NOL8: variants seen among roughly 807,000 people sequenced by gnomAD.
NOL8 encodes nucleolar protein Nop132.
A neutral mutation model predicts 116.1 loss-of-function variants in NOL8; 93 were observed. That is an observed-to-expected ratio of 0.80 (90% CI 0.68 to 0.95). The LOEUF (loss-of-function observed/expected upper bound fraction) is 0.95, where lower values mean the gene tolerates loss of function less well. NOL8 is among the 40% of genes least tolerant of loss of function. The probability of loss-of-function intolerance (pLI) is 0.00; values close to 1 mark genes in which losing one functional copy is unlikely to be tolerated. For missense variants in NOL8, 1,291 were observed against 1,382.8 expected (o/e 0.93, Z 1.05); for synonymous variants, 419 against 469.0 (o/e 0.89, Z 1.38).
chr9:92,324,272 T>C (rs1453571123), intron 1 of NOL8, 63 bp from the exon 2 acceptor site: 19 of 1,179,430 alleles, frequency 1.6e-5, no homozygotes, highest in Non-Finnish European at 2.1e-5. Context: ...AACTACTTCC[T>C]CTGAACCTTC....
chr9:92,313,189 CT>C (rs1002663317), intron 7 of NOL8, among the ~76,000 whole-genome samples: 6 of 152,080 alleles, frequency 3.9e-5, no homozygotes, highest in Non-Finnish European at 7.4e-5. Flanking sequence ...ATCAATTAAA[CT>C]TTTTGGTATC....
At position 92,302,087 on chromosome 9, in the gene NOL8, T is replaced by C. The variant is rs953442774; in HGVS notation, c.2904-265A>G. ...AATCATATTCTATCATTCTCTGAAC[T>C]ACATTTCAGAAATTATGCCTAAACT... is the stretch of plus-strand genomic sequence containing the variant. On this transcript the variant is annotated intron_variant, in intron 12 of 16. Transcript: ENST00000442668. 4.6e-5 allele frequency among the ~76,000 whole-genome samples: 7 copies of C among 152,172 alleles called. No individual in the cohort carries two copies. The East Asian group carries it at 1.3e-3, about 29-fold the overall frequency.
At chr9:92,301,278 G>A (rs1473019617) in intron 13 of NOL8, among the ~76,000 whole-genome samples, 2 of 152,106 alleles carry the variant, frequency 1.3e-5, no homozygotes, top group African/African-American at 2.4e-5. Context: ...TCTTCATGAC[G>A]TTTTACTTAA....
chr9:92,297,963 T>G (rs1837381526), intron 16 of NOL8, 77 bp from the exon 17 acceptor site: 1 of 1,231,796 alleles, frequency 8.1e-7, no homozygotes, highest in African/African-American at 1.5e-5. Context: ...TAAAACAGGT[T>G]ATTCTCACTG....
chr9:92,307,210 C>A (rs377528540), intron 10 of NOL8, among the ~76,000 whole-genome samples, 186 bp from the exon 11 acceptor site: 1 of 152,164 alleles, frequency 6.6e-6, no homozygotes, highest in Non-Finnish European at 1.5e-5. Context: ...AGAAAGTCTG[C>A]GTGACCAGAC....
At chr9:92,308,726 A>G (rs1838501650) in intron 10 of NOL8, among the ~76,000 whole-genome samples, 1 of 152,198 alleles carries the variant, frequency 6.6e-6, no homozygotes, top group Admixed American at 6.5e-5. Flanking sequence ...CAAAGTGAAC[A>G]TTTCAAGAAG....
At chr9:92,302,571 T>C (rs2134089245) in intron 12 of NOL8, among the ~76,000 whole-genome samples, 1 of 152,336 alleles carries the variant, frequency 6.6e-6, no homozygotes. Flanking sequence ...CGTTAGGTTT[T>C]AAGACAGATA....
intron 4 of NOL8, 84 bp downstream of exon 4, chr9:92,321,584 A>T: frequency 1.3e-6 from 1 of 763,442 alleles, no homozygotes; most frequent in Admixed American, 3.3e-5. Flanking sequence ...ATAATACTAT[A>T]TTACTTGATA....
chr9:92,300,369 G>C (rs67546506), intron 13 of NOL8: 1 of 991,338 alleles, frequency 1.0e-6, no homozygotes, highest in Non-Finnish European at 1.2e-6. Flanking sequence ...AAATATAATA[G>C]GATACAGGGA....
In NOL8 at chr9:92,310,033, G is replaced by A. The variant is rs186464759; in HGVS notation, c.2686+138C>T. ...TGTACAAACAAACTTAGTATTAACT[G>A]TACATTTGATTATAAACTCCTCAAT... On this transcript the variant is annotated intron_variant, in intron 10 of 16. Coordinates refer to ENST00000442668, the MANE Select transcript of NOL8 (RefSeq NM_017948.6). 1.8e-5 allele frequency: 11 copies of A among 628,386 alleles called. No individual in the cohort carries two copies. The East Asian group carries it at 2.5e-4, about 14-fold the overall frequency. The allele number at this position is 628,386 out of a possible 1,614,324, so 38.9% of individuals were successfully genotyped here. A position where few individuals can be genotyped will look rare whatever the true frequency, so the allele number is the denominator to read the frequency against.
In NOL8 at chr9:92,306,899, C is replaced by G; in HGVS notation, c.2812G>C (p.Ala938Pro). The change falls in exon 11 of 17, where the codon GCT becomes CCT. Residue 938 changes from alanine to proline, a missense_variant. Ala to Pro is a conservative substitution (Grantham distance 27, BLOSUM62 -1). Coordinates refer to ENST00000442668, the MANE Select transcript of NOL8 (RefSeq NM_017948.6). Reference sequence around the variant, plus strand: ...CATAAAACATACTTAAATTTCTTAGCAGCTACTGATCCTCTGTTTGTAGAA... The same window carrying G: ...CATAAAACATACTTAAATTTCTTAGGAGCTACTGATCCTCTGTTTGTAGAA... ...SNSTNRGSVA[A>P]KKFKDIIHYD... 6.2e-7 allele frequency: 1 copy of G among 1,612,290 alleles called. No homozygotes were observed. Among genetic ancestry groups the G allele is most frequent in the Non-Finnish European group, 8.5e-7 (1 of 1,179,056 alleles).
intron 13 of NOL8, 111 bp downstream of exon 13, chr9:92,301,440 A>G: frequency 1.2e-6 from 1 of 806,550 alleles, no homozygotes; most frequent in Non-Finnish European, 1.8e-6. Flanking sequence ...TTCTAGGTAG[A>G]AGAAAGAGTC....
Position 92,319,357 on chromosome 9 carries a change from C to A in NOL8, c.282-1G>T. On this transcript the variant is annotated splice_acceptor_variant, in intron 4 of 16. Transcript: ENST00000442668. LOFTEE classifies it high-confidence loss of function. ...TGCTGCTTCTCTCTCTTGGGCCAATCTGAATCAAAAAGAAAATACAAATAA... is the reference window on the plus strand; with the variant it reads ...TGCTGCTTCTCTCTCTTGGGCCAATATGAATCAAAAAGAAAATACAAATAA... 6.5e-7 allele frequency: 1 copy of A among 1,542,740 alleles called. No homozygotes were observed.
At position 92,314,722 on chromosome 9, in the gene NOL8, T is replaced by C. The variant is rs769976423; in HGVS notation, c.1903A>G (p.Lys635Glu). 1.4e-5 allele frequency: 23 copies of C among 1,613,890 alleles called. 1 individual carries two copies. The African/African-American group carries it at 1.5e-4, about 10-fold the overall frequency. Reference sequence around the variant, plus strand: ...TGAATATAGTTTGGGCCATTCGCCTTCTTTGCATGTTGGCATGGAGTCACT... The same window carrying C: ...TGAATATAGTTTGGGCCATTCGCCTCCTTTGCATGTTGGCATGGAGTCACT... ...GEVTPCQHAKKANGPNYIQPQ... is the reference protein window; with the variant it reads ...GEVTPCQHAKEANGPNYIQPQ... The change falls in exon 7 of 17, where the codon AAG becomes GAG. Residue 635 changes from lysine to glutamate, a missense_variant. Physicochemically the swap from Lys to Glu is moderately conservative, Grantham distance 56. Coordinates refer to ENST00000442668, the MANE Select transcript of NOL8 (RefSeq NM_017948.6).
At chr9:92,301,502 T>G in intron 13 of NOL8, 49 bp downstream of exon 13, 3 of 1,401,108 alleles carry the variant, frequency 2.1e-6, no homozygotes, top group African/African-American at 1.5e-5. Context: ...TTCAATCAAT[T>G]AAGTTCAAAC....
At chr9:92,310,512 A>C (rs1486620887) in intron 9 of NOL8, 41 bp downstream of exon 9, 1 of 1,561,786 alleles carries the variant, frequency 6.4e-7, no homozygotes, top group South Asian at 1.2e-5. Context: ...TCAAAAAATA[A>C]GGACATGCTG....
rs1331269928 is a variant in NOL8, at chr9:92,314,347, TC to T, written c.2277del (p.Lys760SerfsTer64). 1 of 1,612,082 alleles carries T rather than the reference TC, an allele frequency of 6.2e-7. No homozygotes were observed. The highest frequency in any genetic ancestry group is 8.5e-7 in the Non-Finnish European group (1 of 1,178,430). On this transcript the variant is annotated frameshift_variant, in exon 7 of 17. Coordinates refer to ENST00000442668, the MANE Select transcript of NOL8 (RefSeq NM_017948.6). LOFTEE classifies it high-confidence loss of function. ...SAKDKHAEDNEKRLAALEARQ... is the reference protein window; with the variant it reads ...SAKDKHAEDNXKRLAALEARQ... ...CTCGCTTCCAAGGCTGCCAAACGCT[TC>T]TCATTGTCTTCAGCATGCTTATCTT... is the stretch of plus-strand genomic sequence containing the variant.
rs762432806 is a variant in NOL8 at position 92,301,749 on chromosome 9, T to C, written c.2977A>G (p.Ile993Val). 20 of 1,602,872 alleles carry C rather than the reference T, an allele frequency of 1.2e-5. No individual in the cohort carries two copies. In the East Asian group the frequency reaches 4.2e-4, roughly 34 times the overall value. ...PEVSKEMYYN[I>V]AMDLKEIFQT... ...AATATTTCTTTCAGATCCATAGCAATATTATAATACATTTCTTTAGACACC... is the reference window on the plus strand; with the variant it reads ...AATATTTCTTTCAGATCCATAGCAACATTATAATACATTTCTTTAGACACC... The change falls in exon 13 of 17, where the codon ATT becomes GTT. Residue 993 changes from isoleucine (I) to valine (V), a missense_variant. Physicochemically the swap from Ile to Val is conservative, Grantham distance 29. Transcript: ENST00000442668.
At chr9:92,312,740 T>C (rs1382148762) in intron 7 of NOL8, among the ~76,000 whole-genome samples, 2 of 149,356 alleles carry the variant, frequency 1.3e-5, no homozygotes, top group African/African-American at 4.9e-5. Context: ...GGCAGGAGAA[T>C]TGCTTGAACC....
Sources: allele counts gnomAD v4.1 joint callset (sites outside exome capture counted in the v4.1 genomes callset), GRCh38; gene constraint gnomAD v4.1.1; transcripts MANE v1.5; gene names NCBI Gene and HGNC (gene_info 2026-07-23, HGNC 2026-07-21).